FOXP1: variants seen among roughly 807,000 people sequenced by gnomAD.
The protein encoded by FOXP1 is forkhead box P1.
In FOXP1, 15 loss-of-function variants were observed where a neutral mutation model predicts 98.2. The observed-to-expected ratio is 0.15, with a 90% CI of 0.10 to 0.24. The LOEUF (loss-of-function observed/expected upper bound fraction) is 0.24, where lower values mean the gene tolerates loss of function less well. Among genes scored for constraint, FOXP1 ranks in the 10% least tolerant of loss-of-function variants. FOXP1 has a pLI of 1.00. For synonymous variants in FOXP1, 371 were observed against 314.5 expected (o/e 1.18, Z -1.90); for missense variants, 633 against 848.5 (o/e 0.75, Z 3.15).
chr3:71,387,437 T>G (rs1317934279), intron 3 of FOXP1, among the ~76,000 whole-genome samples: 4 of 152,242 alleles, frequency 2.6e-5, no homozygotes, highest in Admixed American at 2.6e-4. Flanking sequence ...AATTAAGGAT[T>G]TTATAGCTAA....
chr3:71,248,989 C>A (rs1048613537), intron 5 of FOXP1, among the ~76,000 whole-genome samples: 1 of 152,180 alleles, frequency 6.6e-6, no homozygotes, highest in South Asian at 2.1e-4. Context: ...ACAAGGCCAA[C>A]ACAAACTTCC....
At chr3:71,305,132 T>C (rs1327399627) in intron 4 of FOXP1, among the ~76,000 whole-genome samples, 2 of 152,140 alleles carry the variant, frequency 1.3e-5, no homozygotes, top group Non-Finnish European at 2.9e-5. Context: ...AAAAATTCAC[T>C]TTAAAAAAAG....
chr3:71,523,662 GT>G (rs796151275), intron 2 of FOXP1, among the ~76,000 whole-genome samples: 3 of 151,602 alleles, frequency 2.0e-5, no homozygotes, highest in East Asian at 1.9e-4. Context: ...ATTTTCCTTT[GT>G]TTTTTTTCTA....
chr3:71,326,763 G>T (rs1310894654), intron 4 of FOXP1, among the ~76,000 whole-genome samples: 1 of 152,156 alleles, frequency 6.6e-6, no homozygotes, highest in East Asian at 1.9e-4. Flanking sequence ...AGGAGTTGGG[G>T]AAAGGGAAGA....
At chr3:71,249,637 G>C (rs2068029463) in intron 5 of FOXP1, among the ~76,000 whole-genome samples, 1 of 152,216 alleles carries the variant, frequency 6.6e-6, no homozygotes, top group Non-Finnish European at 1.5e-5. Flanking sequence ...AAGCAGGAAT[G>C]TCAGTACCAG....
intron 6 of FOXP1, among the ~76,000 whole-genome samples, chr3:71,114,374 C>G (rs75462074): frequency 1.3e-5 from 2 of 152,164 alleles, no homozygotes; most frequent in African/African-American, 2.4e-5. Flanking sequence ...TGAGCAGACA[C>G]GTAAAAACGT....
At chr3:71,403,786 G>C (rs1475120493) in intron 3 of FOXP1, among the ~76,000 whole-genome samples, 5 of 152,172 alleles carry the variant, frequency 3.3e-5, no homozygotes, top group Non-Finnish European at 7.3e-5. Context: ...AAGAGGTGGA[G>C]GTTGTAGTGA....
chr3:70,981,582 G>C (rs955898579), intron 14 of FOXP1, among the ~76,000 whole-genome samples: 1 of 152,198 alleles, frequency 6.6e-6, no homozygotes, highest in African/African-American at 2.4e-5. Context: ...TGTAGAAACA[G>C]TAATTTTATT....
At chr3:71,299,049 C>T (rs2073614751) in intron 5 of FOXP1, among the ~76,000 whole-genome samples, 1 of 152,126 alleles carries the variant, frequency 6.6e-6, no homozygotes, top group Admixed American at 6.6e-5. Flanking sequence ...AAACGACCGG[C>T]AGGATCATCT....
chr3:71,259,045 G>A (rs927048864), intron 5 of FOXP1, among the ~76,000 whole-genome samples: 4 of 152,174 alleles, frequency 2.6e-5, no homozygotes, highest in African/African-American at 7.2e-5. Flanking sequence ...CTCAGGAGGC[G>A]GAGGCAGGAG....
At chr3:71,256,459 C>T (rs933570480) in intron 5 of FOXP1, among the ~76,000 whole-genome samples, 2 of 152,184 alleles carry the variant, frequency 1.3e-5, no homozygotes, top group Admixed American at 6.5e-5. Flanking sequence ...TCTTGGCTTA[C>T]TGCAAGCTCC....
At chr3:71,268,752 T>G (rs2107273002) in intron 5 of FOXP1, among the ~76,000 whole-genome samples, 1 of 152,304 alleles carries the variant, frequency 6.6e-6, no homozygotes, top group African/African-American at 2.4e-5. Context: ...AGGGCGGTTA[T>G]CGCTGGTGTG....
chr3:71,333,338 C>G (rs1481387050), intron 4 of FOXP1: 1 of 152,016 alleles, frequency 6.6e-6, no homozygotes, highest in Admixed American at 6.6e-5. Context: ...TCAGAAAAAT[C>G]ACTTTCACGT....
intron 7 of FOXP1, among the ~76,000 whole-genome samples, chr3:71,101,211 A>G (rs2056928410): frequency 1.3e-5 from 2 of 152,226 alleles, no homozygotes; most frequent in African/African-American, 4.8e-5. Context: ...GACTGTGACT[A>G]ATAAGACCTG....
chr3:71,389,262 G>GGGGGA (rs2080856871), intron 3 of FOXP1, among the ~76,000 whole-genome samples: 1 of 75,636 alleles, frequency 1.3e-5, no homozygotes, highest in African/African-American at 5.2e-5. Context: ...GCCGGGGGGG[G>GGGGGA]CGGGTTATAA....
intron 2 of FOXP1, among the ~76,000 whole-genome samples, chr3:71,502,525 G>A (rs901202487): frequency 5.3e-5 from 8 of 152,128 alleles, no homozygotes; most frequent in Non-Finnish European, 1.0e-4. Context: ...CACAGCCTGT[G>A]GTAAACAACT....
intron 6 of FOXP1, among the ~76,000 whole-genome samples, chr3:71,166,553 C>T (rs191586083): frequency 1.1e-4 from 16 of 152,242 alleles, no homozygotes; most frequent in African/African-American, 3.4e-4. Flanking sequence ...TTAATAGGAG[C>T]AACTCTTGGG....
intron 5 of FOXP1, among the ~76,000 whole-genome samples, chr3:71,273,962 C>T (rs887894505): frequency 2.0e-5 from 3 of 152,130 alleles, no homozygotes; most frequent in African/African-American, 7.2e-5. Context: ...ATGGCTTCAC[C>T]CAATCCTCTA....
chr3:71,077,246 A>G (rs774856693), intron 7 of FOXP1, among the ~76,000 whole-genome samples: 49 of 152,170 alleles, frequency 3.2e-4, no homozygotes, highest in Non-Finnish European at 6.0e-4. Flanking sequence ...GACCTTTCAC[A>G]TGTCACTCCC....
Sources: gnomAD v4.1 joint callset for allele counts (sites outside exome capture counted in the v4.1 genomes callset) on GRCh38, gnomAD v4.1.1 for gene constraint, MANE v1.5 for transcripts, NCBI Gene and HGNC (gene_info 2026-07-23, HGNC 2026-07-21) for gene names.